ARMH3: variants seen among roughly 807,000 people sequenced by gnomAD.
The protein encoded by ARMH3 is armadillo like helical domain containing 3, also known as armadillo-like helical domain-containing protein 3.
In ARMH3, 60 loss-of-function variants were observed where a neutral mutation model predicts 99.1. The observed-to-expected ratio is 0.61, with a 90% confidence interval of 0.49 to 0.75. The LOEUF (loss-of-function observed/expected upper bound fraction) is 0.75, where lower values mean the gene tolerates loss of function less well. Ranked by LOEUF, ARMH3 falls within the 30% of genes least tolerant of loss-of-function variation. The pLI is 0.00. For missense variants in ARMH3, 679 were observed against 843.1 expected (o/e 0.81, Z 2.41); for synonymous variants, 285 against 292.8 (o/e 0.97, Z 0.27).
chr10:102,022,976 A>G (rs1296358759), intron 8 of ARMH3, among the ~76,000 whole-genome samples: 1 of 151,804 alleles, frequency 6.6e-6, no homozygotes, highest in Non-Finnish European at 1.5e-5. Context: ...ATCACCTGAC[A>G]TTGGGAGTTT....
intron 1 of ARMH3, among the ~76,000 whole-genome samples, chr10:102,053,820 G>A (rs2067769990): frequency 6.6e-6 from 1 of 151,900 alleles, no homozygotes; most frequent in South Asian, 2.1e-4. Context: ...CACCACACCC[G>A]GCTAATTTTT....
chr10:101,891,934 C>T (rs2067701979), intron 23 of ARMH3, among the ~76,000 whole-genome samples: 1 of 151,512 alleles, frequency 6.6e-6, no homozygotes, highest in Non-Finnish European at 1.5e-5. Context: ...CATGGTGAAA[C>T]CCTGTCTCTA....
chr10:101,957,005 T>C (rs1845070536), intron 21 of ARMH3, among the ~76,000 whole-genome samples: 1 of 152,268 alleles, frequency 6.6e-6, no homozygotes, highest in East Asian at 1.9e-4. Flanking sequence ...GATTTATAAC[T>C]ATTATATCTG....
chr10:101,889,438 G>T lies in ARMH3; in HGVS notation c.1834C>A (p.His612Asn). 1.2e-6 allele frequency: 2 copies of T among 1,614,008 alleles called. No individual in the cohort carries two copies. Among genetic ancestry groups the T allele is most frequent in the Non-Finnish European group, 1.7e-6 (2 of 1,179,856 alleles). The change falls in exon 24 of 26, where the codon CAC (histidine) becomes AAC (asparagine). Residue 612 changes from histidine to asparagine, a missense_variant. Physicochemically the swap from His to Asn is moderately conservative, Grantham distance 68 (BLOSUM62 1). Coordinates refer to ENST00000370033, the MANE Select transcript of ARMH3 (RefSeq NM_024541.3). ...TGCTCCTCTGACAGTTGGGATATGTGATTCACAGCAGCGTAGGACTCAATT... is the reference window on the plus strand; with the variant it reads ...TGCTCCTCTGACAGTTGGGATATGTTATTCACAGCAGCGTAGGACTCAATT... ...PKIESYAAVNHISQLSEEQVL... is the reference protein window; with the variant it reads ...PKIESYAAVNNISQLSEEQVL...
At chr10:101,988,756 C>T (rs981000632) in intron 19 of ARMH3, among the ~76,000 whole-genome samples, 1 of 151,978 alleles carries the variant, frequency 6.6e-6, no homozygotes, top group Non-Finnish European at 1.5e-5. Context: ...AACCCTGTCT[C>T]TACTAAAAAA....
At position 101,950,349 on chromosome 10, in the gene ARMH3, C is replaced by A. The variant is rs567691677; in HGVS notation, c.1705+6248G>T. On this transcript the variant is annotated intron_variant, in intron 22 of 25. Transcript: ENST00000370033. The stretch of plus-strand genomic sequence containing the variant: ...TGTTTCTTGCTTGTGTAAAATGGTA[C>A]ACCCACATTGGAAAAGTGAGGACAG... 9.2e-5 allele frequency among the ~76,000 whole-genome samples: 14 copies of A among 152,284 alleles called. No individual in the cohort carries two copies. In the South Asian group the frequency reaches 2.9e-3, roughly 32 times the overall value.
intron 13 of ARMH3, among the ~76,000 whole-genome samples, chr10:102,007,780 C>G (rs2066535694): frequency 2.2e-5 from 3 of 134,142 alleles, no homozygotes; most frequent in South Asian, 4.6e-4. Flanking sequence ...TTGCAGTGAG[C>G]AGAGATCGTG....
chr10:101,892,622 A>C (rs2067721341), intron 23 of ARMH3, among the ~76,000 whole-genome samples: 1 of 152,222 alleles, frequency 6.6e-6, no homozygotes, highest in Non-Finnish European at 1.5e-5. Context: ...AACTTAAAAA[A>C]AAATACCAAT....
chr10:102,045,129 C>CAA (rs574856341), intron 1 of ARMH3, among the ~76,000 whole-genome samples: 20,314 of 80,324 alleles, frequency 0.25, 2,169 homozygotes, highest in East Asian at 0.56. Flanking sequence ...GCCCTTGTCT[C>CAA]AAAAAAAAAA....
At position 101,889,414 on chromosome 10, in the gene ARMH3, G is replaced by C. The variant is rs1269913995; in HGVS notation, c.1858C>G (p.Gln620Glu). ...VNHISQLSEE[Q>E]VLEVVRANYD... ...ATCTGGGGAAAGTAGTGGCTTACCT[G>C]CTCCTCTGACAGTTGGGATATGTGA... The change falls in exon 24 of 26, where the codon CAG becomes GAG. Residue 620 changes from glutamine (Q) to glutamate (E), a missense_variant and splice_region_variant. Physicochemically the swap from Gln to Glu is conservative, Grantham distance 29. Around this residue, in one of 3 missense-constraint regions of ARMH3, gnomAD observed 389 missense variants for 456.5 expected, o/e 0.85. Coordinates refer to ENST00000370033, the MANE Select transcript of ARMH3 (RefSeq NM_024541.3). 6.2e-7 allele frequency: 1 copy of C among 1,612,904 alleles called. No individual in the cohort carries two copies. The highest frequency in any genetic ancestry group is 2.2e-5 in the East Asian group (1 of 44,870).
intron 23 of ARMH3, among the ~76,000 whole-genome samples, chr10:101,929,581 A>ATTTCT: frequency 6.6e-6 from 1 of 152,328 alleles, no homozygotes; most frequent in South Asian, 2.1e-4. Context: ...GCATAGGAGT[A>ATTTCT]ACATTTCTAT....
intron 19 of ARMH3, among the ~76,000 whole-genome samples, chr10:101,985,889 G>A (rs962803004): frequency 6.6e-6 from 1 of 151,796 alleles, no homozygotes; most frequent in African/African-American, 2.4e-5. Flanking sequence ...GTGGTGGTGG[G>A]CACCTGTAAT....
rs767960800 is a variant in ARMH3 at position 101,893,253 on chromosome 10, T to C, written c.1782-3763A>G. On this transcript the variant is annotated intron_variant, in intron 23 of 25. Coordinates refer to ENST00000370033, the MANE Select transcript of ARMH3 (RefSeq NM_024541.3). The stretch of plus-strand genomic sequence containing the variant: ...GATTGAAGGAAAGGAGCTTCAGTAG[T>C]CAAATCAATCTACCATTAGACCACA... 2.6e-5 allele frequency among the ~76,000 whole-genome samples: 4 copies of C among 152,222 alleles called. No individual in the cohort carries two copies. In the East Asian group the frequency reaches 7.7e-4, roughly 29 times the overall value.
intron 2 of ARMH3, among the ~76,000 whole-genome samples, chr10:102,036,420 T>C (rs947100885): frequency 5.9e-5 from 9 of 152,092 alleles, no homozygotes; most frequent in African/African-American, 2.2e-4. Flanking sequence ...GATGGCGGTT[T>C]TGTGGAATAG....
At chr10:101,950,042 A>T (rs967167331) in intron 22 of ARMH3, among the ~76,000 whole-genome samples, 13 of 152,298 alleles carry the variant, frequency 8.5e-5, no homozygotes, top group Middle Eastern at 6.8e-3. Context: ...TACAGCTAAC[A>T]TCACACTTAA....
At chr10:101,903,803 G>A (rs2068035962) in intron 23 of ARMH3, among the ~76,000 whole-genome samples, 2 of 152,166 alleles carry the variant, frequency 1.3e-5, no homozygotes, top group Non-Finnish European at 2.9e-5. Context: ...AGGGGAAGCA[G>A]GACAACTTTT....
intron 14 of ARMH3, among the ~76,000 whole-genome samples, chr10:102,002,640 G>T (rs867720454): frequency 8.6e-5 from 13 of 151,984 alleles, no homozygotes; most frequent in South Asian, 2.1e-4. Context: ...CCCCGCTTAA[G>T]GGAACTGAAA....
intron 1 of ARMH3, among the ~76,000 whole-genome samples, chr10:102,047,431 G>A (rs773025673): frequency 6.6e-6 from 1 of 151,874 alleles, no homozygotes; most frequent in Non-Finnish European, 1.5e-5. Context: ...AATCTCCTGG[G>A]GTGCCTCCTA....
At chr10:101,947,034 A>G in intron 22 of ARMH3, among the ~76,000 whole-genome samples, 1 of 152,018 alleles carries the variant, frequency 6.6e-6, no homozygotes, top group South Asian at 2.1e-4. Flanking sequence ...CTAAAAATAC[A>G]AAAATTAGCC....
Sources: allele counts gnomAD v4.1 joint callset (sites outside exome capture counted in the v4.1 genomes callset), GRCh38; gene constraint gnomAD v4.1.1; regional missense constraint gnomAD v4.1.1; transcripts MANE v1.5; gene names NCBI Gene and HGNC (gene_info 2026-07-23, HGNC 2026-07-21).